The following KIF23 variants were observed in gnomAD, a reference collection of about 807,000 sequenced individuals.
The protein encoded by KIF23 is kinesin family member 23, also known as kinesin-like protein KIF23.
A neutral mutation model predicts 137.5 loss-of-function variants in KIF23; 30 were observed. That is an observed-to-expected ratio of 0.22 (90% CI 0.16 to 0.30). The LOEUF is 0.30. KIF23 is among the 10% of genes least tolerant of loss of function. The pLI, the probability that KIF23 is intolerant of heterozygous loss-of-function variation, is 1.00. For synonymous variants in KIF23, 367 were observed against 391.1 expected, an observed-to-expected ratio of 0.94 and a Z score of 0.73; for missense variants, 920 against 1,194.3, an observed-to-expected ratio of 0.77 and a Z score of 3.38.
chr15:69,445,926 C>A (rs2057731125), intron 20 of KIF23, 83 bp from the exon 21 acceptor site: 3 of 988,268 alleles, frequency 3.0e-6, no homozygotes, highest in Admixed American at 2.0e-5. Context: ...AAAATAGAAT[C>A]ATGAGAACAG....
chr15:69,427,580 GTTATAAGTTGTTCATCTC>G (rs1211238483), intron 10 of KIF23: 3 of 396,384 alleles, frequency 7.6e-6, no homozygotes, highest in Non-Finnish European at 1.5e-5. Context: ...AGTGGCTAGT[GTTATAAGTTGTTCATCTC>G]TTGGTCGATA....
intron 8 of KIF23, among the ~76,000 whole-genome samples, 186 bp downstream of exon 8, chr15:69,425,509 T>C (rs2057167993): frequency 6.6e-6 from 1 of 152,226 alleles, no homozygotes; most frequent in Non-Finnish European, 1.5e-5. Flanking sequence ...TAAATGTCTC[T>C]ACCCTCACCA....
At chr15:69,418,647 A>G (rs2056977278) in intron 3 of KIF23, among the ~76,000 whole-genome samples, 1 of 152,140 alleles carries the variant, frequency 6.6e-6, no homozygotes, top group African/African-American at 2.4e-5. Context: ...CCCCATTATT[A>G]ATCACTGAGA....
rs560034675 is a variant in KIF23 at position 69,436,940 on chromosome 15, A to C, written c.1597+218A>C. On this transcript the variant is annotated intron_variant, in intron 15 of 23. Coordinates refer to ENST00000679126, the MANE Select transcript of KIF23 (RefSeq NM_001367805.3). Reference sequence around the variant, plus strand: ...TGGCTAATTTTTGTACTGTTAGTAGAGACGGGGTTTCGCCATGTAGGCCAG... The same window carrying C: ...TGGCTAATTTTTGTACTGTTAGTAGCGACGGGGTTTCGCCATGTAGGCCAG... Among the ~76,000 whole-genome samples the C allele has an allele frequency of 5.9e-5, 9 of 152,260 alleles. No individual in the cohort carries two copies. In the South Asian group the frequency reaches 8.3e-4, roughly 14 times the overall value.
Position 69,441,049 on chromosome 15 carries a change from G to A in KIF23, c.2391G>A (p.Glu797=). 6.2e-7 allele frequency: 1 copy of A among 1,613,730 alleles called. No homozygotes were observed. Among genetic ancestry groups the A allele is most frequent in the Non-Finnish European group, 8.5e-7 (1 of 1,179,710 alleles). The change falls in exon 19 of 24, where the codon GAG becomes GAA. Residue 797 remains glutamate (E), a synonymous_variant. Coordinates refer to ENST00000679126, the MANE Select transcript of KIF23 (RefSeq NM_001367805.3). ...GREVVPTFRN[E]IEIEEDHCGR... ...AGGTGGTTCCTACATTCAGAAATGA[G>A]ATAGAAATAGAAGAGGATCATTGCG...
chr15:69,425,225 T>C, intron 7 of KIF23, 57 bp from the exon 8 acceptor site: 1 of 1,330,432 alleles, frequency 7.5e-7, no homozygotes, highest in Admixed American at 2.0e-5. Flanking sequence ...GGACTGAACA[T>C]GTTGGTGTGA....
chr15:69,428,944 A>T (rs997681490), intron 10 of KIF23, among the ~76,000 whole-genome samples, 167 bp from the exon 11 acceptor site: 4 of 151,964 alleles, frequency 2.6e-5, no homozygotes, highest in Non-Finnish European at 5.9e-5. Flanking sequence ...TATTTATCAT[A>T]CTCTTCTAGC....
intron 11 of KIF23, chr15:69,434,775 G>C: frequency 1.8e-6 from 2 of 1,125,762 alleles, no homozygotes; most frequent in South Asian, 1.3e-5. Context: ...AAAGCTCTTG[G>C]CCAGAGTCCA....
intron 2 of KIF23, among the ~76,000 whole-genome samples, chr15:69,417,179 T>C (rs1039917566): frequency 6.6e-6 from 1 of 152,226 alleles, no homozygotes; most frequent in Non-Finnish European, 1.5e-5. Context: ...ATTTTGTGTG[T>C]ATTTAAAGTA....
intron 10 of KIF23, 132 bp from the exon 11 acceptor site, chr15:69,428,979 C>T (rs2057284038): frequency 3.8e-6 from 2 of 531,804 alleles, no homozygotes; most frequent in Non-Finnish European, 6.6e-6. Context: ...AATAGGTATC[C>T]TTTGCCTGTC....
chr15:69,439,463 C>A (rs2057560987), intron 16 of KIF23, among the ~76,000 whole-genome samples: 1 of 152,084 alleles, frequency 6.6e-6, no homozygotes, highest in Non-Finnish European at 1.5e-5. Context: ...GGATTAATCT[C>A]TTACAATGGG....
At chr15:69,414,812 C>A (rs1196494354) in intron 1 of KIF23, 2 of 299,660 alleles carry the variant, frequency 6.7e-6, no homozygotes, top group African/African-American at 4.4e-5. Flanking sequence ...ACAGCCTTTC[C>A]CTTCTCCCTC....
At chr15:69,436,022 G>A (rs2057469316) in intron 13 of KIF23, 116 bp from the exon 14 acceptor site, 1 of 1,394,536 alleles carries the variant, frequency 7.2e-7, no homozygotes. Context: ...CTGCACTCCA[G>A]CCTGGTGACA....
At chr15:69,434,530 A>C (rs1409162966) in intron 11 of KIF23, 1 of 820,458 alleles carries the variant, frequency 1.2e-6, no homozygotes, top group East Asian at 2.5e-5. Context: ...CCTGGATCTC[A>C]TAGTTTTCTT....
chr15:69,424,564 A>G (rs1232900262), intron 7 of KIF23, among the ~76,000 whole-genome samples: 1 of 152,202 alleles, frequency 6.6e-6, no homozygotes, highest in Non-Finnish European at 1.5e-5. Context: ...TTGCTCTGCC[A>G]TGTCAGCTCA....
At chr15:69,433,835 TC>T (rs2057410646) in intron 11 of KIF23, among the ~76,000 whole-genome samples, 1 of 152,204 alleles carries the variant, frequency 6.6e-6, no homozygotes. Context: ...AATCGATGGG[TC>T]AGGGTAGACA....
intron 2 of KIF23, among the ~76,000 whole-genome samples, chr15:69,416,850 G>A (rs932915730): frequency 6.6e-6 from 1 of 152,202 alleles, no homozygotes; most frequent in African/African-American, 2.4e-5. Flanking sequence ...AGCTACTCGG[G>A]AGGCTGAGGC....
At chr15:69,441,709 A>C (rs2057625687) in intron 19 of KIF23, among the ~76,000 whole-genome samples, 1 of 150,512 alleles carries the variant, frequency 6.6e-6, no homozygotes, top group African/African-American at 2.4e-5. Flanking sequence ...CAAGAAAATC[A>C]ACATTAATTA....
At chr15:69,420,232 C>G (rs148894489) in intron 3 of KIF23, among the ~76,000 whole-genome samples, 4 of 152,156 alleles carry the variant, frequency 2.6e-5, no homozygotes, top group African/African-American at 7.2e-5. Context: ...CCACTGCACT[C>G]CAGCCTGGGT....
Sources: gnomAD v4.1 joint callset for allele counts (sites outside exome capture counted in the v4.1 genomes callset) on GRCh38, gnomAD v4.1.1 for gene constraint, MANE v1.5 for transcripts, NCBI Gene and HGNC (gene_info 2026-07-23, HGNC 2026-07-21) for gene names.